NDUFB5: variants seen among roughly 807,000 people sequenced by gnomAD.
NDUFB5 encodes NADH:ubiquinone oxidoreductase subunit B5.
A neutral mutation model predicts 19.4 loss-of-function variants in NDUFB5; 19 were observed. The observed-to-expected ratio is 0.98, with a 90% CI of 0.68 to 1.43. NDUFB5 has a LOEUF of 1.43. Among genes scored for constraint, NDUFB5 ranks in the 40% most tolerant of loss-of-function variants. NDUFB5 has a pLI of 0.00. For synonymous variants in NDUFB5, 80 were observed against 82.6 expected (o/e 0.97, Z 0.17); for missense variants, 233 against 236.5 (o/e 0.99, Z 0.10).
At chr3:179,614,209 A>G (rs1387868529) in intron 1 of NDUFB5, among the ~76,000 whole-genome samples, 3 of 152,180 alleles carry the variant, frequency 2.0e-5, no homozygotes, top group Admixed American at 2.0e-4. Context: ...GGAAGAATAT[A>G]AAAAGAGGAT....
intron 1 of NDUFB5, among the ~76,000 whole-genome samples, chr3:179,606,773 C>T (rs1719113708): frequency 1.3e-5 from 2 of 152,146 alleles, no homozygotes; most frequent in South Asian, 4.1e-4. Flanking sequence ...AAGTTGTCTC[C>T]AGCCTCAAAA....
At position 179,624,977 on chromosome 3, in the gene NDUFB5, A is replaced by G. The variant is rs1444639059; in HGVS notation, c.*937A>G. 2 of 151,634 alleles carry G rather than the reference A, an allele frequency of 1.3e-5. No individual in the cohort carries two copies. Among genetic ancestry groups the G allele is most frequent in the South Asian group, 2.1e-4 (1 of 4,796 alleles). 9.4% of individuals were successfully genotyped at this position (151,634 alleles called of 1,614,324 possible). Reference sequence around the variant, plus strand: ...GGCTAATTTTTGTATTTTTCAGTAAAGACTGTTTCGCTGTGTTGGCCAGGC... The same window carrying G: ...GGCTAATTTTTGTATTTTTCAGTAAGGACTGTTTCGCTGTGTTGGCCAGGC... On this transcript the variant is annotated 3_prime_UTR_variant, in exon 6 of 6. Transcript: ENST00000259037.
intron 5 of NDUFB5, among the ~76,000 whole-genome samples, chr3:179,623,577 G>A (rs1323621935): frequency 6.6e-6 from 1 of 152,206 alleles, no homozygotes. Flanking sequence ...GGGAGGCTGA[G>A]GCAGGAGGAT....
Position 179,624,634 on chromosome 3 carries a change from C to G in NDUFB5, c.*594C>G, listed in dbSNP as rs1259319938. On this transcript the variant is annotated 3_prime_UTR_variant, in exon 6 of 6. Transcript: ENST00000259037. Reference sequence around the variant, plus strand: ...TTTTCCTAGATGCAATCTCTGGGATCCCTTAGAGTCCTTTTTTGGGGAAGT... The same window carrying G: ...TTTTCCTAGATGCAATCTCTGGGATGCCTTAGAGTCCTTTTTTGGGGAAGT... 2 of 143,676 alleles carry G rather than the reference C, an allele frequency of 1.4e-5. No individual in the cohort carries two copies. Among genetic ancestry groups the G allele is most frequent in the African/African-American group, 5.3e-5 (2 of 38,050 alleles). The allele number at this position is 143,676 out of a possible 1,614,324, so 8.9% of individuals were successfully genotyped here.
chr3:179,612,992 G>T (rs2108396198), intron 1 of NDUFB5, among the ~76,000 whole-genome samples: 1 of 152,230 alleles, frequency 6.6e-6, no homozygotes, highest in South Asian at 2.1e-4. Flanking sequence ...TGGCTTTTTT[G>T]TGAGCAACTA....
chr3:179,611,661 A>T (rs1039661207), intron 1 of NDUFB5, among the ~76,000 whole-genome samples: 1 of 152,010 alleles, frequency 6.6e-6, no homozygotes, highest in Non-Finnish European at 1.5e-5. Context: ...CAGCCTCCCA[A>T]AGTGCTGGGA....
At chr3:179,618,218 A>T in intron 4 of NDUFB5, 197 bp from the exon 5 acceptor site, 1 of 431,818 alleles carries the variant, frequency 2.3e-6, no homozygotes, top group Non-Finnish European at 4.1e-6. Context: ...AACTTTGTGC[A>T]ATTCACTTAT....
intron 1 of NDUFB5, among the ~76,000 whole-genome samples, chr3:179,608,341 A>G (rs1719157607): frequency 6.6e-6 from 1 of 151,486 alleles, no homozygotes; most frequent in Non-Finnish European, 1.5e-5. Context: ...ACAGGTGCAC[A>G]CCTCCATGCC....
chr3:179,612,322 GAA>G (rs779443200), intron 1 of NDUFB5, among the ~76,000 whole-genome samples: 7 of 117,406 alleles, frequency 6.0e-5, no homozygotes, highest in Admixed American at 1.7e-4. Context: ...CTTGTCTCTG[GAA>G]AAAAAAAAAA....
rs1449539157 is a variant in NDUFB5, at chr3:179,626,760, T to G, written c.*2720T>G. On this transcript the variant is annotated 3_prime_UTR_variant, in exon 6 of 6. Coordinates refer to ENST00000259037, the MANE Select transcript of NDUFB5 (RefSeq NM_002492.4). ...GTTGGCCAGGGTGATCTTGAACTTC[T>G]GACCTTGTGATCCACCCACCTTGGT... 1 of 152,256 alleles carries G rather than the reference T, an allele frequency of 6.6e-6. No homozygotes were observed. The highest frequency in any genetic ancestry group is 1.5e-5 in the Non-Finnish European group (1 of 68,098). The allele number at this position is 152,256 out of a possible 1,614,324, so 9.4% of individuals were successfully genotyped here. A position where few individuals can be genotyped will look rare whatever the true frequency, so the allele number is the denominator to read the frequency against.
At chr3:179,605,772 T>C (rs1719075750) in intron 1 of NDUFB5, among the ~76,000 whole-genome samples, 1 of 150,714 alleles carries the variant, frequency 6.6e-6, no homozygotes, top group Non-Finnish European at 1.5e-5. Flanking sequence ...TGCCTAGGTC[T>C]CAGGAAAGTC....
At chr3:179,619,810 C>A (rs1719486128) in intron 5 of NDUFB5, among the ~76,000 whole-genome samples, 1 of 152,176 alleles carries the variant, frequency 6.6e-6, no homozygotes, top group African/African-American at 2.4e-5. Context: ...TTTACAGTCC[C>A]ACCAACAGTG....
Position 179,617,080 on chromosome 3 carries a change from A to C in NDUFB5, c.342+36A>C, listed in dbSNP as rs1029190941. On this transcript the variant is annotated intron_variant, in intron 4 of 5. Coordinates refer to ENST00000259037, the MANE Select transcript of NDUFB5 (RefSeq NM_002492.4). The stretch of plus-strand genomic sequence containing the variant: ...GACATTGACAATTACATACTGTTAC[A>C]TGCCTTGTCAACGCACTAGTTAATG... The C allele has an allele frequency of 2.1e-6, 3 of 1,446,322 alleles. No individual in the cohort carries two copies. The African/African-American group carries it at 4.2e-5, about 20-fold the overall frequency. The allele number at this position is 1,446,322 out of a possible 1,614,324, so 89.6% of individuals were successfully genotyped here.
At chr3:179,608,513 G>A (rs1719161523) in intron 1 of NDUFB5, among the ~76,000 whole-genome samples, 1 of 152,036 alleles carries the variant, frequency 6.6e-6, no homozygotes, top group East Asian at 1.9e-4. Context: ...TTTTATTCCT[G>A]TAACTGGTTA....
intron 1 of NDUFB5, among the ~76,000 whole-genome samples, chr3:179,608,694 T>C (rs1157801020): frequency 6.6e-6 from 1 of 152,212 alleles, no homozygotes; most frequent in East Asian, 1.9e-4. Flanking sequence ...GACCTTCCTC[T>C]GGAGCCTTAG....
At chr3:179,612,722 C>T (rs1385705810) in intron 1 of NDUFB5, among the ~76,000 whole-genome samples, 2 of 151,602 alleles carry the variant, frequency 1.3e-5, no homozygotes, top group Non-Finnish European at 2.9e-5. Context: ...GTGAGCCGCC[C>T]GCCTCGGCCT....
intron 5 of NDUFB5, among the ~76,000 whole-genome samples, chr3:179,622,375 T>G (rs923304505): frequency 9.2e-5 from 14 of 152,084 alleles, no homozygotes; most frequent in African/African-American, 3.1e-4. Flanking sequence ...CTTGAACTCC[T>G]GAGCTCAAGC....
chr3:179,606,774 AG>A (rs1423476005), intron 1 of NDUFB5, among the ~76,000 whole-genome samples: 1 of 152,226 alleles, frequency 6.6e-6, no homozygotes, highest in East Asian at 1.9e-4. Context: ...AGTTGTCTCC[AG>A]CCTCAAAATA....
chr3:179,617,308 T>C (rs1187364878), intron 4 of NDUFB5: 4 of 240,724 alleles, frequency 1.7e-5, no homozygotes, highest in Middle Eastern at 1.5e-3. Flanking sequence ...TGGCTAATTT[T>C]TGTATTTTTA....
Sources: gnomAD v4.1 joint callset for allele counts (sites outside exome capture counted in the v4.1 genomes callset) on GRCh38, gnomAD v4.1.1 for gene constraint, MANE v1.5 for transcripts, NCBI Gene and HGNC (gene_info 2026-07-23, HGNC 2026-07-21) for gene names.